The following CCDC85A variants were observed in gnomAD, a reference collection of about 807,000 sequenced individuals.
CCDC85A encodes the protein coiled-coil domain containing 85A.
Under a neutral mutation model 50.2 loss-of-function variants are expected in CCDC85A, and 38 were observed. The ratio of observed to expected loss-of-function variants is 0.76; its 90% CI spans 0.58 to 0.99. CCDC85A has a LOEUF of 0.99. CCDC85A is among the 50% of genes least tolerant of loss of function. The pLI is 0.00. For synonymous variants in CCDC85A, 366 were observed against 301.4 expected, an observed-to-expected ratio of 1.21 and a Z score of -2.22; for missense variants, 820 against 742.0, an observed-to-expected ratio of 1.11 and a Z score of -1.22.
chr2:56,342,859 T>C lies in CCDC85A; in HGVS notation c.1241-20T>C. On this transcript the variant is annotated intron_variant, in intron 2 of 5. Transcript: ENST00000407595. ...ACAAGACCTGTGTGTATAATGTGAG[T>C]TCTTTCTTTTTAATTTTAGAATCAA... 6.5e-7 allele frequency: 1 copy of C among 1,533,442 alleles called. No homozygotes were observed. Among genetic ancestry groups the C allele is most frequent in the South Asian group, 1.2e-5 (1 of 83,962 alleles). The allele number at this position is 1,533,442 out of a possible 1,614,324, so 95.0% of individuals were successfully genotyped here. A position where few individuals can be genotyped will look rare whatever the true frequency, so the allele number is the denominator to read the frequency against.
chr2:56,209,529 C>G lies in CCDC85A; in HGVS notation c.1240+16089C>G, dbSNP rs11125617. 2.7e-5 allele frequency among the ~76,000 whole-genome samples: 4 copies of G among 148,238 alleles called. No homozygotes were observed. The East Asian group carries it at 8.2e-4, about 30-fold the overall frequency. ...GGCCTTTTTTGTTGATTGTTTAATA[C>G]TTTGGGGCAAAGGTTTTAATCTATA... On this transcript the variant is annotated intron_variant, in intron 2 of 5. Transcript: ENST00000407595.
chr2:56,318,835 A>G (rs1395761634), intron 2 of CCDC85A, among the ~76,000 whole-genome samples: 1 of 152,066 alleles, frequency 6.6e-6, no homozygotes, highest in Non-Finnish European at 1.5e-5. Flanking sequence ...TGCTCCATGC[A>G]GTAGTCAGTG....
chr2:56,314,272 G>A (rs565449316), intron 2 of CCDC85A, among the ~76,000 whole-genome samples: 1 of 151,618 alleles, frequency 6.6e-6, no homozygotes, highest in South Asian at 2.1e-4. Context: ...TGATGGTATA[G>A]AAGAGATAGT....
chr2:56,310,534 G>A (rs1295037463), intron 2 of CCDC85A, among the ~76,000 whole-genome samples: 1 of 152,222 alleles, frequency 6.6e-6, no homozygotes, highest in Admixed American at 6.5e-5. Context: ...CCACAGTGAT[G>A]ATTATATATT....
intron 2 of CCDC85A, among the ~76,000 whole-genome samples, chr2:56,261,350 T>C (rs192473316): frequency 6.6e-6 from 1 of 152,212 alleles, no homozygotes; most frequent in South Asian, 2.1e-4. Context: ...ACCAATGCAT[T>C]TGAATGTATT....
At chr2:56,218,307 T>C (rs1393412072) in intron 2 of CCDC85A, among the ~76,000 whole-genome samples, 2 of 151,848 alleles carry the variant, frequency 1.3e-5, no homozygotes, top group Non-Finnish European at 1.5e-5. Context: ...ATAAGTTTTG[T>C]AGTTCTCTAA....
At chr2:56,377,253 G>A (rs1315431708) in intron 5 of CCDC85A, among the ~76,000 whole-genome samples, 1 of 152,136 alleles carries the variant, frequency 6.6e-6, no homozygotes, top group African/African-American at 2.4e-5. Context: ...TGCCTCTAGT[G>A]GGTGTTGGTT....
chr2:56,365,721 C>G (rs1451962795), intron 3 of CCDC85A, among the ~76,000 whole-genome samples: 1 of 152,162 alleles, frequency 6.6e-6, no homozygotes, highest in African/African-American at 2.4e-5. Context: ...CTTAATACAG[C>G]TAATTAACAT....
intron 5 of CCDC85A, among the ~76,000 whole-genome samples, chr2:56,376,192 G>A (rs531145376): frequency 2.0e-5 from 3 of 152,144 alleles, no homozygotes; most frequent in South Asian, 2.1e-4. Flanking sequence ...TATCGGCATC[G>A]AAGTTACAGT....
At chr2:56,273,079 G>C (rs1464990731) in intron 2 of CCDC85A, among the ~76,000 whole-genome samples, 1 of 152,036 alleles carries the variant, frequency 6.6e-6, no homozygotes, top group Non-Finnish European at 1.5e-5. Context: ...ACAGTTAAGA[G>C]GTCTTCTAAA....
chr2:56,315,919 T>G (rs766188236), intron 2 of CCDC85A, among the ~76,000 whole-genome samples: 1 of 152,112 alleles, frequency 6.6e-6, no homozygotes, highest in Admixed American at 6.6e-5. Context: ...TGAGAATGAA[T>G]GTATGTAACT....
intron 2 of CCDC85A, among the ~76,000 whole-genome samples, chr2:56,248,909 C>A (rs17047684): frequency 1.3e-5 from 2 of 152,052 alleles, no homozygotes; most frequent in South Asian, 4.1e-4. Context: ...AAAATCCATA[C>A]CCTTAGCTAC....
chr2:56,276,216 G>A (rs947238229), intron 2 of CCDC85A, among the ~76,000 whole-genome samples: 1 of 152,020 alleles, frequency 6.6e-6, no homozygotes, highest in African/African-American at 2.4e-5. Flanking sequence ...CAGGAATATG[G>A]CAATTTCAGG....
Position 56,385,792 on chromosome 2 carries a change from ATATT to A in CCDC85A, c.*1441_*1444del, listed in dbSNP as rs1193885571. On this transcript the variant is annotated 3_prime_UTR_variant, in exon 6 of 6. Coordinates refer to ENST00000407595, the MANE Select transcript of CCDC85A (RefSeq NM_001080433.2). ...ATGAAAAATCATCTATTTTCAGAAA[ATATT>A]TATGAATTAATTTACTATAGAATTA... 6.6e-6 allele frequency: 1 copy of A among 151,742 alleles called. No homozygotes were observed. The highest frequency in any genetic ancestry group is 1.5e-5 in the Non-Finnish European group (1 of 67,786). The allele number at this position is 151,742 out of a possible 1,614,324, so 9.4% of individuals were successfully genotyped here.
chr2:56,323,308 G>T (rs563390357), intron 2 of CCDC85A, among the ~76,000 whole-genome samples: 26 of 151,866 alleles, frequency 1.7e-4, no homozygotes, highest in Non-Finnish European at 3.4e-4. Flanking sequence ...AATAAAAAAA[G>T]AACTCAGTTG....
chr2:56,352,320 T>A (rs1326581014), intron 3 of CCDC85A, among the ~76,000 whole-genome samples: 2 of 152,130 alleles, frequency 1.3e-5, no homozygotes, highest in Non-Finnish European at 2.9e-5. Flanking sequence ...ATAAGACAGT[T>A]TAAGTGAATA....
In CCDC85A at chr2:56,356,193, T is replaced by C. The variant is rs116599538; in HGVS notation, c.1317+13238T>C. Among the ~76,000 whole-genome samples, 1,385 of 152,324 alleles carry C rather than the reference T, an allele frequency of 9.1e-3. 26 individuals are homozygous for C. Among genetic ancestry groups the C allele is most frequent in the African/African-American group, 0.031 (1,274 of 41,568 alleles). ...GTGGGAATGATTGGTCGTTATGCTT[T>C]TGGGTGCCTAGCAAGTATTGAGTGC... On this transcript the variant is annotated intron_variant, in intron 3 of 5. Coordinates refer to ENST00000407595, the MANE Select transcript of CCDC85A (RefSeq NM_001080433.2).
At chr2:56,221,339 A>T (rs1198304382) in intron 2 of CCDC85A, among the ~76,000 whole-genome samples, 1 of 151,962 alleles carries the variant, frequency 6.6e-6, no homozygotes, top group African/African-American at 2.4e-5. Context: ...CCGACTTAAC[A>T]GATTAACTGA....
At chr2:56,264,643 A>G (rs1670359756) in intron 2 of CCDC85A, among the ~76,000 whole-genome samples, 1 of 152,148 alleles carries the variant, frequency 6.6e-6, no homozygotes. Flanking sequence ...TCTGCATACA[A>G]CCACCAGAGT....
Sources: gnomAD v4.1 joint callset for allele counts (sites outside exome capture counted in the v4.1 genomes callset) on GRCh38, gnomAD v4.1.1 for gene constraint, MANE v1.5 for transcripts, NCBI Gene and HGNC (gene_info 2026-07-23, HGNC 2026-07-21) for gene names.